The following HAPSTR1 variants were observed in gnomAD, a reference collection of about 807,000 sequenced individuals.
HAPSTR1 encodes HUWE1 associated protein modifying stress responses.
chr16:9,098,355 C>A, the HAPSTR1 span, among the ~76,000 whole-genome samples: 1 of 152,212 alleles, frequency 6.6e-6, no homozygotes, highest in South Asian at 2.1e-4. Context: ...AAATATTATC[C>A]CCCTGGTTCC....
At chr16:9,096,383 T>G in the HAPSTR1 span, among the ~76,000 whole-genome samples, 2 of 148,046 alleles carry the variant, frequency 1.4e-5, no homozygotes, top group Non-Finnish European at 3.0e-5. Flanking sequence ...TGGTGTGTAT[T>G]TCCTTCTTCA....
chr16:9,094,648 G>A, the HAPSTR1 span, among the ~76,000 whole-genome samples: 4 of 152,176 alleles, frequency 2.6e-5, no homozygotes, highest in African/African-American at 4.8e-5. Context: ...ACTATGATAA[G>A]GTTCACCCAT....
At chr16:9,110,121 C>T in the HAPSTR1 span, 7 of 150,626 alleles carry the variant, frequency 4.6e-5, no homozygotes, top group East Asian at 1.2e-3. Context: ...CCATGTCCAT[C>T]GCCTTGAGAA....
the HAPSTR1 span, among the ~76,000 whole-genome samples, chr16:9,115,670 T>G: frequency 6.6e-6 from 1 of 152,208 alleles, no homozygotes; most frequent in Non-Finnish European, 1.5e-5. Flanking sequence ...TCACCCAGGA[T>G]GGAGTGCAGT....
chr16:9,092,609 G>C, the HAPSTR1 span, among the ~76,000 whole-genome samples: 1 of 152,118 alleles, frequency 6.6e-6, no homozygotes, highest in Non-Finnish European at 1.5e-5. Flanking sequence ...GAGACGGCGG[G>C]GCGGCCCCAT....
chr16:9,093,013 C>G, the HAPSTR1 span: 1,580 of 1,605,746 alleles, frequency 9.8e-4, 1 homozygote, highest in Admixed American at 1.6e-3. Context: ...TAAAGATAAC[C>G]TTGCTGCATT....
At chr16:9,110,686 A>G in the HAPSTR1 span, 1 of 152,370 alleles carries the variant, frequency 6.6e-6, no homozygotes, top group East Asian at 1.9e-4. Flanking sequence ...ATAGCTAAAT[A>G]TTTAGAAGTA....
At chr16:9,103,548 G>T in the HAPSTR1 span, 2 of 290,532 alleles carry the variant, frequency 6.9e-6, no homozygotes, top group Non-Finnish European at 1.3e-5. Context: ...CTTATGTGTT[G>T]TACGTGTTTT....
the HAPSTR1 span, chr16:9,116,537 C>A: frequency 1.7e-6 from 2 of 1,191,736 alleles, no homozygotes; most frequent in African/African-American, 1.5e-5. Flanking sequence ...AACTTAATTG[C>A]TTACTAGTAA....
chr16:9,098,281 C>T, the HAPSTR1 span, among the ~76,000 whole-genome samples: 5 of 152,072 alleles, frequency 3.3e-5, no homozygotes, highest in African/African-American at 1.2e-4. Flanking sequence ...TGTGGTGAGC[C>T]GAGATCAGGC....
At chr16:9,118,172 A>T in the HAPSTR1 span, 1 of 152,766 alleles carries the variant, frequency 6.5e-6, no homozygotes, top group South Asian at 2.1e-4. Flanking sequence ...TTTTAGATGA[A>T]GAACTGATGT....
chr16:9,111,380 C>G, the HAPSTR1 span: 1 of 152,210 alleles, frequency 6.6e-6, no homozygotes, highest in Non-Finnish European at 1.5e-5. Context: ...TTCAAAGAAT[C>G]TTTAATTGAA....
chr16:9,112,433 T>A, the HAPSTR1 span: 17 of 152,244 alleles, frequency 1.1e-4, no homozygotes, highest in African/African-American at 4.1e-4. Flanking sequence ...CCTGCGCTGG[T>A]GGATCAACGG....
chr16:9,104,679 T>G, the HAPSTR1 span: 1 of 152,184 alleles, frequency 6.6e-6, no homozygotes, highest in Non-Finnish European at 1.5e-5. Context: ...TGCAGTACTT[T>G]AAGACTGCAC....
the HAPSTR1 span, chr16:9,092,872 G>GT: frequency 1.4e-6 from 2 of 1,474,752 alleles, no homozygotes; most frequent in Non-Finnish European, 1.9e-6. Flanking sequence ...CTTTCTATGT[G>GT]TGTTTCTTTT....
the HAPSTR1 span, chr16:9,105,528 C>T: frequency 6.6e-6 from 1 of 152,166 alleles, no homozygotes; most frequent in Admixed American, 6.6e-5. Flanking sequence ...TTGAATGGTT[C>T]TAGTACTAGG....
At chr16:9,093,993 C>T in the HAPSTR1 span, among the ~76,000 whole-genome samples, 1 of 151,996 alleles carries the variant, frequency 6.6e-6, no homozygotes, top group African/African-American at 2.4e-5. Flanking sequence ...GGTATTTTTG[C>T]CATATATATT....
At chr16:9,115,543 G>A in the HAPSTR1 span, among the ~76,000 whole-genome samples, 1 of 152,174 alleles carries the variant, frequency 6.6e-6, no homozygotes, top group Non-Finnish European at 1.5e-5. Context: ...TGGAATGTAA[G>A]TTTGGCTCTT....
chr16:9,120,673 C>CTTTTTTTTTT, the HAPSTR1 span: 2 of 100,626 alleles, frequency 2.0e-5, no homozygotes, highest in Admixed American at 1.2e-4. Flanking sequence ...ATGGTGAAAT[C>CTTTTTTTTTT]TTTTTTTTTT....
Sources: gnomAD v4.1 joint callset for allele counts (sites outside exome capture counted in the v4.1 genomes callset) on GRCh38, gnomAD v4.1.1 for gene constraint, MANE v1.5 for transcripts, NCBI Gene and HGNC (gene_info 2026-07-23, HGNC 2026-07-21) for gene names.